The following PNO1 variants were observed in gnomAD, a reference collection of about 807,000 sequenced individuals.
The protein encoded by PNO1 is partner of NOB1 homolog.
Under a neutral mutation model 28.4 loss-of-function variants are expected in PNO1, and 16 were observed. That is an observed-to-expected ratio of 0.56 (90% CI 0.38 to 0.85). The LOEUF (loss-of-function observed/expected upper bound fraction) is 0.85, where lower values mean the gene tolerates loss of function less well. Among genes scored for constraint, PNO1 ranks in the 40% least tolerant of loss-of-function variants. PNO1 has a pLI of 0.00. For missense variants in PNO1, 304 were observed against 312.2 expected (o/e 0.97, Z 0.20); for synonymous variants, 115 against 110.8 (o/e 1.04, Z -0.24).
chr2:68,164,828 C>T (rs1673933873), intron 5 of PNO1, among the ~76,000 whole-genome samples: 1 of 151,962 alleles, frequency 6.6e-6, no homozygotes, highest in African/African-American at 2.4e-5. Flanking sequence ...ATTTAAAATC[C>T]ATATACAGAT....
chr2:68,158,680 A>G, intron 2 of PNO1, 151 bp downstream of exon 2: 2 of 609,426 alleles, frequency 3.3e-6, no homozygotes, highest in Non-Finnish European at 5.4e-6. Flanking sequence ...AACTTCCCAA[A>G]TGCCTTAAAA....
chr2:68,172,133 T>C (rs1476743821), intron 5 of PNO1, among the ~76,000 whole-genome samples: 2 of 152,136 alleles, frequency 1.3e-5, no homozygotes, highest in South Asian at 4.1e-4. Context: ...TTCATGGGTA[T>C]TGACATGATC....
Position 68,174,858 on chromosome 2 carries a change from A to G in PNO1, c.*56A>G. The G allele has an allele frequency of 9.0e-7, 1 of 1,114,554 alleles. No homozygotes were observed. The highest frequency in any genetic ancestry group is 1.4e-6 in the Non-Finnish European group (1 of 739,730). The allele number at this position is 1,114,554 out of a possible 1,614,324, so 69.0% of individuals were successfully genotyped here. The stretch of plus-strand genomic sequence containing the variant: ...TGGACTCTGGTGAAAAATACTTTAC[A>G]GTGGTCGGTCACAAGAAACCAGCTG... On this transcript the variant is annotated 3_prime_UTR_variant, in exon 7 of 7. Coordinates refer to ENST00000263657, the MANE Select transcript of PNO1 (RefSeq NM_020143.4).
At chr2:68,166,069 G>A (rs1316504090) in intron 5 of PNO1, among the ~76,000 whole-genome samples, 1 of 152,196 alleles carries the variant, frequency 6.6e-6, no homozygotes, top group East Asian at 1.9e-4. Context: ...GAAATACACA[G>A]TATGTAGGCT....
chr2:68,168,405 A>AC (rs1248051708), intron 5 of PNO1, among the ~76,000 whole-genome samples: 19 of 152,238 alleles, frequency 1.2e-4, no homozygotes, highest in Admixed American at 1.2e-3. Flanking sequence ...AGGAGATGTT[A>AC]CTGGGATCAG....
Position 68,161,760 on chromosome 2 carries a change from G to A in PNO1, c.435G>A (p.Gln145=). 1.2e-6 allele frequency: 2 copies of A among 1,600,282 alleles called. No homozygotes were observed. The highest frequency in any genetic ancestry group is 2.2e-5 in the South Asian group (2 of 90,736). ...TGAAAGCTTTTATTCTCGGCTTTCA[G>A]GTGGAGGTGAGTAATTCCATGATAT... ...DFVKAFILGF[Q]VEDALALIRL... is the part of the protein sequence containing the mutation. The change falls in exon 3 of 7, where the codon CAG becomes CAA. Residue 145 remains glutamine (Q), a synonymous_variant. Transcript: ENST00000263657.
chr2:68,169,798 C>T (rs1017407991), intron 5 of PNO1, among the ~76,000 whole-genome samples: 6 of 152,166 alleles, frequency 3.9e-5, no homozygotes, highest in Non-Finnish European at 7.3e-5. Flanking sequence ...TTCTACGATA[C>T]TTAGCTCCTC....
rs915200811 is a variant in PNO1 at position 68,175,348 on chromosome 2, C to T, written c.*546C>T. ...AATCTCAGCTCACTGCAGCCTCTGC[C>T]TCCTGAGTTCAAGTGATCCTCCTGC... On this transcript the variant is annotated 3_prime_UTR_variant, in exon 7 of 7. Coordinates refer to ENST00000263657, the MANE Select transcript of PNO1 (RefSeq NM_020143.4). 1 of 152,430 alleles carries T rather than the reference C, an allele frequency of 6.6e-6. No homozygotes were observed. Among genetic ancestry groups the T allele is most frequent in the African/African-American group, 2.4e-5 (1 of 41,452 alleles). The allele number at this position is 152,430 out of a possible 1,614,324, so 9.4% of individuals were successfully genotyped here. A position where few individuals can be genotyped will look rare whatever the true frequency, so the allele number is the denominator to read the frequency against.
intron 5 of PNO1, among the ~76,000 whole-genome samples, chr2:68,172,143 C>G (rs759380443): frequency 6.6e-6 from 1 of 152,114 alleles, no homozygotes; most frequent in Non-Finnish European, 1.5e-5. Context: ...TTGACATGAT[C>G]GAGCATGGTG....
At chr2:68,160,096 G>C (rs1016781009) in intron 2 of PNO1, among the ~76,000 whole-genome samples, 1 of 150,752 alleles carries the variant, frequency 6.6e-6, no homozygotes, top group Non-Finnish European at 1.5e-5. Context: ...AGCCTCCTGA[G>C]TAGCTGGGAC....
chr2:68,174,211 T>G (rs1674209310), intron 6 of PNO1, among the ~76,000 whole-genome samples: 1 of 152,124 alleles, frequency 6.6e-6, no homozygotes, highest in South Asian at 2.1e-4. Context: ...TTTGAAATAT[T>G]TTAACAACTC....
At chr2:68,158,766 T>G (rs1673747275) in intron 2 of PNO1, among the ~76,000 whole-genome samples, 1 of 152,250 alleles carries the variant, frequency 6.6e-6, no homozygotes, top group Admixed American at 6.5e-5. Context: ...GCTCTTCTTC[T>G]GTGTATCTTT....
At chr2:68,168,164 ATACTTAT>A (rs1392201913) in intron 5 of PNO1, among the ~76,000 whole-genome samples, 4 of 152,222 alleles carry the variant, frequency 2.6e-5, no homozygotes, top group African/African-American at 9.6e-5. Flanking sequence ...TTGGCCAAGT[ATACTTAT>A]TTAACAGGTT....
At chr2:68,163,706 T>C (rs1368053618) in intron 5 of PNO1, among the ~76,000 whole-genome samples, 2 of 152,024 alleles carry the variant, frequency 1.3e-5, no homozygotes, top group African/African-American at 2.4e-5. Flanking sequence ...TTAAGGCCTT[T>C]TATAAAAGGA....
rs3213962 is a variant in PNO1 at position 68,162,537 on chromosome 2, C to G, written c.503-9C>G. The G allele has an allele frequency of 1.4e-3, 2,244 of 1,590,116 alleles. 50 individuals carry two copies. In the East Asian group the frequency reaches 0.044, roughly 31 times the overall value. ...GCTTGCCTCCTGAGATCTTGCTTTT[C>G]TTGTTTAGTTAAACCCCTAAAGGGA... On this transcript the variant is annotated splice_polypyrimidine_tract_variant and intron_variant, in intron 4 of 6. Coordinates refer to ENST00000263657, the MANE Select transcript of PNO1 (RefSeq NM_020143.4).
At chr2:68,174,332 T>C (rs995354145) in intron 6 of PNO1, among the ~76,000 whole-genome samples, 8 of 150,686 alleles carry the variant, frequency 5.3e-5, no homozygotes, top group African/African-American at 7.3e-5. Flanking sequence ...TTAAAATGTC[T>C]CTGTTCTTTT....
Position 68,163,540 on chromosome 2 carries a change from A to ATAC in PNO1, c.620+877_620+878insTAC, listed in dbSNP as rs1673892293. ...AGTGAGACTCTGTCTCAAATAAATA[A>ATAC]ATACATACATACATACATACATACA... is the stretch of plus-strand genomic sequence containing the variant. On this transcript the variant is annotated intron_variant, in intron 5 of 6. Transcript: ENST00000263657. Among the ~76,000 whole-genome samples, 106 of 136,160 alleles carry ATAC rather than the reference A, an allele frequency of 7.8e-4. 1 individual carries two copies. Among genetic ancestry groups the ATAC allele is most frequent in the African/African-American group, 2.5e-3 (96 of 37,658 alleles). The allele number at this position is 136,160 out of a possible 152,430, so 89.3% of individuals were successfully genotyped here. A position where few individuals can be genotyped will look rare whatever the true frequency, so the allele number is the denominator to read the frequency against.
rs143947670 is a variant in PNO1 at position 68,173,507 on chromosome 2, G to A, written c.691+90G>A. ...AAACCACATTTGCAAAGCAATTTAG[G>A]GTAATATTAAAGATCGCAAGTAGAA... On this transcript the variant is annotated intron_variant, in intron 6 of 6. Coordinates refer to ENST00000263657, the MANE Select transcript of PNO1 (RefSeq NM_020143.4). 2.5e-3 allele frequency: 1,984 copies of A among 788,782 alleles called. 43 individuals are homozygous for A. The East Asian group carries it at 0.046, about 18-fold the overall frequency. The allele number at this position is 788,782 out of a possible 1,614,324, so 48.9% of individuals were successfully genotyped here.
rs757184641 is a variant in PNO1, at chr2:68,157,921, T to G, written c.-14T>G. 6.2e-7 allele frequency: 1 copy of G among 1,612,834 alleles called. No homozygotes were observed. Among genetic ancestry groups the G allele is most frequent in the Admixed American group, 1.7e-5 (1 of 60,028 alleles). On this transcript the variant is annotated 5_prime_UTR_variant, in exon 1 of 7. Coordinates refer to ENST00000263657, the MANE Select transcript of PNO1 (RefSeq NM_020143.4). ...GCACGTGTTTCAGCCGGCAGCGCTT[T>G]AAGATTTCCGGGGATGGAATCCGAA...
Sources: gnomAD v4.1 joint callset for allele counts (sites outside exome capture counted in the v4.1 genomes callset) on GRCh38, gnomAD v4.1.1 for gene constraint, MANE v1.5 for transcripts, NCBI Gene and HGNC (gene_info 2026-07-23, HGNC 2026-07-21) for gene names.